Variants in ABCD3 observed in about 807,000 individuals in gnomAD.
ABCD3 encodes the protein ATP-binding cassette sub-family D member 3.
A neutral mutation model predicts 105.5 loss-of-function variants in ABCD3; 41 were observed. The ratio of observed to expected loss-of-function variants is 0.39; its 90% CI spans 0.30 to 0.50. ABCD3 has a LOEUF of 0.50. Among genes scored for constraint, ABCD3 ranks in the 20% least tolerant of loss-of-function variants. The pLI, the probability that ABCD3 is intolerant of heterozygous loss-of-function variation, is 0.84. For synonymous variants in ABCD3, 258 were observed against 269.0 expected (o/e 0.96, Z 0.40); for missense variants, 622 against 806.3 (o/e 0.77, Z 2.77).
At chr1:94,438,327 C>T (rs963228613) in intron 1 of ABCD3, among the ~76,000 whole-genome samples, 1 of 150,674 alleles carries the variant, frequency 6.6e-6, no homozygotes, top group Non-Finnish European at 1.5e-5. Flanking sequence ...CACACACACA[C>T]ACACACACAC....
intron 1 of ABCD3, chr1:94,455,710 T>C (rs907508183): frequency 1.8e-6 from 1 of 544,004 alleles, no homozygotes; most frequent in Non-Finnish European, 3.2e-6. Context: ...CTTTATAAGA[T>C]GTCATGGTTC....
intron 22 of ABCD3, among the ~76,000 whole-genome samples, chr1:94,515,699 G>A (rs1392462701): frequency 6.6e-6 from 1 of 151,942 alleles, no homozygotes; most frequent in African/African-American, 2.4e-5. Flanking sequence ...TGGTGCACGT[G>A]TATTACTTAT....
the ABCD3 span, among the ~76,000 whole-genome samples, chr1:94,397,888 A>C: frequency 6.6e-6 from 1 of 152,152 alleles, no homozygotes; most frequent in Non-Finnish European, 1.5e-5. Flanking sequence ...GTTTCTCTTT[A>C]AAATTTCACC....
At chr1:94,440,286 C>T (rs1660083820) in intron 1 of ABCD3, among the ~76,000 whole-genome samples, 1 of 152,150 alleles carries the variant, frequency 6.6e-6, no homozygotes, top group South Asian at 2.1e-4. Flanking sequence ...CTAATTTATG[C>T]TCTACAGCAC....
At chr1:94,508,147 C>A (rs1650460024) in intron 21 of ABCD3, among the ~76,000 whole-genome samples, 1 of 152,066 alleles carries the variant, frequency 6.6e-6, no homozygotes, top group Non-Finnish European at 1.5e-5. Flanking sequence ...AGTCTTTAAT[C>A]CATCTTGAAT....
chr1:94,428,091 TTA>T (rs1210869322), intron 1 of ABCD3, among the ~76,000 whole-genome samples: 1 of 152,022 alleles, frequency 6.6e-6, no homozygotes, highest in Non-Finnish European at 1.5e-5. Flanking sequence ...TTTTTATTTT[TTA>T]TTTTTTTGCC....
At chr1:94,506,232 T>C (rs2101054700) in intron 20 of ABCD3, among the ~76,000 whole-genome samples, 1 of 152,262 alleles carries the variant, frequency 6.6e-6, no homozygotes, top group East Asian at 1.9e-4. Context: ...TCTGTAATCT[T>C]ATTTGTTTAG....
chr1:94,446,117 T>G (rs892696290), intron 1 of ABCD3, among the ~76,000 whole-genome samples: 3 of 152,206 alleles, frequency 2.0e-5, no homozygotes, highest in African/African-American at 7.2e-5. Flanking sequence ...CTGAAATATG[T>G]CCAAAATGTG....
At chr1:94,444,264 G>A (rs935395312) in intron 1 of ABCD3, among the ~76,000 whole-genome samples, 7 of 151,062 alleles carry the variant, frequency 4.6e-5, no homozygotes, top group East Asian at 1.9e-4. Context: ...CCTGGGAGGC[G>A]GAGGTTGCAT....
At chr1:94,432,442 G>A (rs1031510292) in intron 1 of ABCD3, 2 of 152,226 alleles carry the variant, frequency 1.3e-5, no homozygotes, top group African/African-American at 4.8e-5. Flanking sequence ...AGAAGGAACT[G>A]CAAGGAGACG....
At chr1:94,509,443 A>G (rs915764979) in intron 21 of ABCD3, among the ~76,000 whole-genome samples, 1 of 152,050 alleles carries the variant, frequency 6.6e-6, no homozygotes, top group African/African-American at 2.4e-5. Context: ...TTGGTCTAAA[A>G]TTCTCTTTTT....
the ABCD3 span, among the ~76,000 whole-genome samples, chr1:94,406,206 A>G: frequency 6.6e-6 from 1 of 151,348 alleles, no homozygotes; most frequent in African/African-American, 2.4e-5. Context: ...GTGAGAAGGG[A>G]TATTACCTTT....
At chr1:94,460,957 AT>A (rs1414664357) in intron 2 of ABCD3, among the ~76,000 whole-genome samples, 1 of 151,984 alleles carries the variant, frequency 6.6e-6, no homozygotes, top group Non-Finnish European at 1.5e-5. Context: ...AGCTAGATTC[AT>A]TTTACTCATT....
chr1:94,423,454 GTTTC>G lies in ABCD3; in HGVS notation c.110+4870_110+4873del, dbSNP rs140479960. On this transcript the variant is annotated intron_variant, in intron 1 of 22. Coordinates refer to ENST00000370214, the MANE Select transcript of ABCD3 (RefSeq NM_002858.4). The stretch of plus-strand genomic sequence containing the variant: ...TTCTCAGGAATTTCAGGGAGCTTGT[GTTTC>G]TTTTAGTGACATCTTACTTCGCTTC... Among the ~76,000 whole-genome samples, 354 of 152,282 alleles carry G rather than the reference GTTTC, an allele frequency of 2.3e-3. 1 individual carries two copies. The highest frequency in any genetic ancestry group is 8.3e-3 in the African/African-American group (343 of 41,564).
At position 94,474,723 on chromosome 1, in the gene ABCD3, TG is replaced by T. The variant is rs1334970614; in HGVS notation, c.406-419del. Among the ~76,000 whole-genome samples, 46 of 125,698 alleles carry T rather than the reference TG, an allele frequency of 3.7e-4. No individual in the cohort carries two copies. The East Asian group carries it at 8.4e-3, about 23-fold the overall frequency. 82.5% of individuals were successfully genotyped at this position (125,698 alleles called of 152,430 possible). A position where few individuals can be genotyped will look rare whatever the true frequency, so the allele number is the denominator to read the frequency against. ...GCATTAGTTGGTGTAAAACCTGTAGTGTTTTTTTTTTTTAACAAATGCAAAT... is the reference window on the plus strand; with the variant it reads ...GCATTAGTTGGTGTAAAACCTGTAGTTTTTTTTTTTTTAACAAATGCAAAT... On this transcript the variant is annotated intron_variant, in intron 5 of 22. Transcript: ENST00000370214.
chr1:94,477,134 C>G lies in ABCD3; in HGVS notation c.628-1125C>G, dbSNP rs1206820089. 4.1e-5 allele frequency among the ~76,000 whole-genome samples: 6 copies of G among 147,756 alleles called. No individual in the cohort carries two copies. The Admixed American group carries it at 4.1e-4, about 10-fold the overall frequency. On this transcript the variant is annotated intron_variant, in intron 7 of 22. Transcript: ENST00000370214. ...TAGATGTTTTAAACATCTAATTGAC[C>G]TCCAACTTAAATTATGAGTCATTAT...
intron 1 of ABCD3, among the ~76,000 whole-genome samples, chr1:94,456,060 C>G (rs1430200276): frequency 6.6e-6 from 1 of 151,834 alleles, no homozygotes; most frequent in East Asian, 1.9e-4. Flanking sequence ...AACTTTGTAC[C>G]TTTTGACCAA....
chr1:94,453,190 G>A (rs764888544), intron 1 of ABCD3, among the ~76,000 whole-genome samples: 14 of 152,132 alleles, frequency 9.2e-5, no homozygotes, highest in South Asian at 2.1e-4. Flanking sequence ...AGAACTCCCC[G>A]GTAAATCGTT....
rs1002924249 is a variant in ABCD3, at chr1:94,440,381, C to T, written c.111-18226C>T. 5.9e-5 allele frequency among the ~76,000 whole-genome samples: 9 copies of T among 152,276 alleles called. No individual in the cohort carries two copies. In the East Asian group the frequency reaches 1.4e-3, roughly 23 times the overall value. On this transcript the variant is annotated intron_variant, in intron 1 of 22. Transcript: ENST00000370214. Reference sequence around the variant, plus strand: ...GCTGTTTCTTTCTTACCCTTTGTTCCTATGGTCTCACATAGTATTCTGTTC... The same window carrying T: ...GCTGTTTCTTTCTTACCCTTTGTTCTTATGGTCTCACATAGTATTCTGTTC...
Sources: allele counts gnomAD v4.1 joint callset (sites outside exome capture counted in the v4.1 genomes callset), GRCh38; gene constraint gnomAD v4.1.1; transcripts MANE v1.5; gene names NCBI Gene and HGNC (gene_info 2026-07-23, HGNC 2026-07-21).